Variants in FAT4 observed in about 807,000 individuals in gnomAD.
FAT4 encodes the protein FAT atypical cadherin 4.
Under a neutral mutation model 303.9 loss-of-function variants are expected in FAT4, and 84 were observed. The observed-to-expected ratio is 0.28, with a 90% confidence interval of 0.23 to 0.33. The LOEUF (loss-of-function observed/expected upper bound fraction) is 0.33, where lower values mean the gene tolerates loss of function less well. Ranked by LOEUF, FAT4 falls within the 10% of genes least tolerant of loss-of-function variation. The pLI is 1.00. For synonymous variants in FAT4, 2,307 were observed against 2,298.8 expected, an observed-to-expected ratio of 1.00 and a Z score of -0.10; for missense variants, 6,005 against 6,146.8, an observed-to-expected ratio of 0.98 and a Z score of 0.77.
intron 17 of FAT4, among the ~76,000 whole-genome samples, chr4:125,488,504 G>A (rs1290213201): frequency 6.6e-6 from 1 of 152,298 alleles, no homozygotes; most frequent in Non-Finnish European, 1.5e-5. Context: ...TGGCTGAGGA[G>A]TTAGAAAGAA....
At chr4:125,364,933 G>A (rs749568375) in intron 2 of FAT4, among the ~76,000 whole-genome samples, 19 of 152,166 alleles carry the variant, frequency 1.2e-4, no homozygotes, top group Non-Finnish European at 2.4e-4. Flanking sequence ...ACAGTTAGAG[G>A]TTGGGGGCAT....
intron 3 of FAT4, 48 bp from the exon 4 acceptor site, chr4:125,406,832 A>C (rs376473297): frequency 6.3e-7 from 1 of 1,581,642 alleles, no homozygotes; most frequent in Admixed American, 1.8e-5. Context: ...TATAAGGAGC[A>C]ATGCTTTTCT....
chr4:125,436,695 A>G (rs920830287), intron 8 of FAT4, among the ~76,000 whole-genome samples: 4 of 152,178 alleles, frequency 2.6e-5, no homozygotes, highest in African/African-American at 9.6e-5. Flanking sequence ...ACATGGTAGC[A>G]GGCAAGAGAG....
intron 12 of FAT4, among the ~76,000 whole-genome samples, chr4:125,470,068 C>T (rs1319248827): frequency 6.6e-6 from 1 of 152,190 alleles, no homozygotes; most frequent in East Asian, 1.9e-4. Flanking sequence ...CAACACTAAT[C>T]TCCTTATACA....
In FAT4 at chr4:125,463,592, T is replaced by C; in HGVS notation, c.11830T>C (p.Cys3944Arg). Residue 3944 changes from cysteine to arginine, a missense_variant, in exon 11 of 18, where the codon TGT becomes CGT. By Grantham distance (180) the Cys-to-Arg change is radical. Coordinates refer to ENST00000394329, the MANE Select transcript of FAT4 (RefSeq NM_001291303.3). ...AATGTGTGAATCTTCAGTCAATTAC[T>C]GTGAATGCAACCCCTGCTTTAATGG... ...GKMCESSVNYCECNPCFNGGS... is the reference protein window; with the variant it reads ...GKMCESSVNYRECNPCFNGGS... 1 of 1,595,598 alleles carries C rather than the reference T, an allele frequency of 6.3e-7. No homozygotes were observed.
chr4:125,452,536 T>G lies in FAT4; in HGVS notation c.11526T>G (p.Asn3842Lys). 6.2e-7 allele frequency: 1 copy of G among 1,614,116 alleles called. No homozygotes were observed. The highest frequency in any genetic ancestry group is 8.5e-7 in the Non-Finnish European group (1 of 1,180,024). ...GTCTTCCAGTCATCATCGTGGCAAATGAACCTCTGCAGCCTTTCTTATGCA... is the reference window on the plus strand; with the variant it reads ...GTCTTCCAGTCATCATCGTGGCAAAGGAACCTCTGCAGCCTTTCTTATGCA... ...RESLPVIIVA[N>K]EPLQPFLCKC... The change falls in exon 10 of 18, where the codon AAT becomes AAG. Residue 3842 changes from asparagine to lysine, a missense_variant. Physicochemically the swap from Asn to Lys is moderately conservative, Grantham distance 94. Transcript: ENST00000394329.
intron 8 of FAT4, among the ~76,000 whole-genome samples, chr4:125,441,506 C>A (rs1725659702): frequency 6.6e-6 from 1 of 152,040 alleles, no homozygotes; most frequent in Non-Finnish European, 1.5e-5. Flanking sequence ...AGGAGAGAAA[C>A]AATGGAAATG....
intron 2 of FAT4, among the ~76,000 whole-genome samples, chr4:125,376,348 T>A (rs902857718): frequency 6.6e-6 from 1 of 152,138 alleles, no homozygotes; most frequent in African/African-American, 2.4e-5. Flanking sequence ...AAAATGGACC[T>A]CTGTTGATGC....
chr4:125,359,757 T>G (rs573141816), intron 2 of FAT4, among the ~76,000 whole-genome samples: 2 of 152,286 alleles, frequency 1.3e-5, no homozygotes, highest in East Asian at 3.9e-4. Context: ...GGTAACTATG[T>G]GATACCAGCA....
intron 6 of FAT4, among the ~76,000 whole-genome samples, chr4:125,416,032 T>A (rs1300496861): frequency 6.6e-6 from 1 of 152,234 alleles, no homozygotes; most frequent in East Asian, 1.9e-4. Context: ...ACTAGCTTTC[T>A]TTTGTGTATA....
chr4:125,321,120 G>A lies in FAT4; in HGVS notation c.4709G>A (p.Gly1570Glu). 1 of 1,614,138 alleles carries A rather than the reference G, an allele frequency of 6.2e-7. No individual in the cohort carries two copies. Among genetic ancestry groups the A allele is most frequent in the Non-Finnish European group, 8.5e-7 (1 of 1,180,006 alleles). ...NGEIEYEIINGDTDTFIVDRY... is the reference protein window; with the variant it reads ...NGEIEYEIINEDTDTFIVDRY... ...GAAATAGAGTATGAGATCATCAATG[G>A]GGACACAGACACCTTCATTGTTGAT... Residue 1570 changes from glycine (G) to glutamate (E), a missense_variant, in exon 2 of 18, where the codon GGG becomes GAG. Gly to Glu is a moderately conservative substitution (Grantham distance 98). Coordinates refer to ENST00000394329, the MANE Select transcript of FAT4 (RefSeq NM_001291303.3).
chr4:125,463,095 T>A lies in FAT4; in HGVS notation c.11801-468T>A, dbSNP rs553579376. The stretch of plus-strand genomic sequence containing the variant: ...CTGCTTTACAACAGATATGTGTAAT[T>A]CAAGTGATATTTCTTAGTAGTAGAA... On this transcript the variant is annotated intron_variant, in intron 10 of 17. Coordinates refer to ENST00000394329, the MANE Select transcript of FAT4 (RefSeq NM_001291303.3). Among the ~76,000 whole-genome samples the A allele has an allele frequency of 2.0e-5, 3 of 152,184 alleles. No homozygotes were observed. The East Asian group carries it at 5.8e-4, about 29-fold the overall frequency.
intron 10 of FAT4, among the ~76,000 whole-genome samples, chr4:125,457,359 G>C (rs1410216647): frequency 6.6e-6 from 1 of 151,628 alleles, no homozygotes; most frequent in African/African-American, 2.4e-5. Flanking sequence ...AAATAGGAAG[G>C]GATATAGTTA....
intron 16 of FAT4, among the ~76,000 whole-genome samples, chr4:125,485,387 CT>C (rs1176585728): frequency 6.6e-6 from 1 of 151,996 alleles, no homozygotes; most frequent in East Asian, 1.9e-4. Flanking sequence ...ATTCCATAAG[CT>C]TTTTTTCTAT....
In FAT4 at chr4:125,408,531, A is replaced by G; in HGVS notation, c.5657A>G (p.Asp1886Gly). 1 of 1,613,038 alleles carries G rather than the reference A, an allele frequency of 6.2e-7. No homozygotes were observed. Among genetic ancestry groups the G allele is most frequent in the Non-Finnish European group, 8.5e-7 (1 of 1,179,326 alleles). ...TATATTGTGAATGAAGATGATGAAG[A>G]TGGCATCTTTTTCCTGAATCCTATT... The part of the protein sequence containing the change: ...ITYIVNEDDE[D>G]GIFFLNPITG... Residue 1886 changes from aspartate to glycine, a missense_variant, in exon 5 of 18, where the codon GAT becomes GGT. Asp to Gly is a moderately conservative substitution (Grantham distance 94). Coordinates refer to ENST00000394329, the MANE Select transcript of FAT4 (RefSeq NM_001291303.3).
intron 11 of FAT4, among the ~76,000 whole-genome samples, chr4:125,467,223 A>G (rs1006652494): frequency 1.3e-5 from 2 of 152,008 alleles, no homozygotes; most frequent in African/African-American, 4.8e-5. Flanking sequence ...GGTAGTCAAA[A>G]TAGCTAGACA....
intron 2 of FAT4, among the ~76,000 whole-genome samples, chr4:125,356,238 A>G (rs1195573901): frequency 1.3e-5 from 2 of 151,982 alleles, no homozygotes; most frequent in Admixed American, 1.3e-4. Context: ...CCATCCATAC[A>G]TTTGTATTCC....
At chr4:125,373,532 A>G (rs1221301685) in intron 2 of FAT4, among the ~76,000 whole-genome samples, 1 of 152,180 alleles carries the variant, frequency 6.6e-6, no homozygotes, top group Non-Finnish European at 1.5e-5. Context: ...ATGTGTGTTT[A>G]TTGAATATTT....
chr4:125,468,477 A>G (rs766169642), intron 11 of FAT4, 35 bp from the exon 12 acceptor site: 1 of 1,383,484 alleles, frequency 7.2e-7, no homozygotes, highest in South Asian at 2.1e-5. Context: ...TTTTCATGAA[A>G]TTTTATGCCA....
Sources: allele counts gnomAD v4.1 joint callset (sites outside exome capture counted in the v4.1 genomes callset), GRCh38; gene constraint gnomAD v4.1.1; transcripts MANE v1.5; gene names NCBI Gene and HGNC (gene_info 2026-07-23, HGNC 2026-07-21).